Variants in DDX59 observed in about 807,000 individuals in gnomAD.
DDX59 encodes probable ATP-dependent RNA helicase DDX59.
DDX59 carries 30 observed loss-of-function variants against 51.9 expected under a neutral mutation model. The observed-to-expected ratio is 0.58, with a 90% confidence interval of 0.43 to 0.78. The LOEUF is 0.78. Among genes scored for constraint, DDX59 ranks in the 30% least tolerant of loss-of-function variants. The pLI is 0.00. For missense variants in DDX59, 672 were observed against 730.8 expected, an observed-to-expected ratio of 0.92 and a Z score of 0.93; for synonymous variants, 255 against 253.3, an observed-to-expected ratio of 1.01 and a Z score of -0.06.
chr1:200,650,661 T>G lies in DDX59; in HGVS notation c.1078A>C (p.Lys360Gln). Residue 360 changes from lysine (K) to glutamine (Q), a missense_variant, in exon 5 of 8, where the codon AAG becomes CAG. By Grantham distance (53) the Lys-to-Gln change is moderately conservative. Transcript: ENST00000331314. ...VVVDEADTML[K>Q]MGFQQQVLDI... The stretch of plus-strand genomic sequence containing the variant: ...AGCACTTGTTGTTGAAAACCCATCT[T>G]TAACATGGTATCAGCCTAAAATAAA... 2 of 1,611,842 alleles carry G rather than the reference T, an allele frequency of 1.2e-6. No homozygotes were observed. Among genetic ancestry groups the G allele is most frequent in the Non-Finnish European group, 1.7e-6 (2 of 1,178,304 alleles).
chr1:200,653,044 C>G (rs1661768582), intron 4 of DDX59, among the ~76,000 whole-genome samples: 1 of 152,208 alleles, frequency 6.6e-6, no homozygotes, highest in African/African-American at 2.4e-5. Context: ...TTTCTCTTCT[C>G]TCAATCTCTA....
chr1:200,655,833 ATT>A (rs879811363), intron 4 of DDX59, among the ~76,000 whole-genome samples: 2 of 145,060 alleles, frequency 1.4e-5, no homozygotes. Flanking sequence ...ATACAGTCCA[ATT>A]TTTTTTTTTT....
Position 200,659,046 on chromosome 1 carries a change from T to G in DDX59, c.1043A>C (p.Lys348Thr). The change falls in exon 4 of 8, where the codon AAG becomes ACG. Residue 348 changes from lysine (K) to threonine (T), a missense_variant. Coordinates refer to ENST00000331314, the MANE Select transcript of DDX59 (RefSeq NM_001031725.6). ...ACTTACTTCATCTACTACCACAATCTTTACACCACAGAGTTCTACAGAGCT... is the reference window on the plus strand; with the variant it reads ...ACTTACTTCATCTACTACCACAATCGTTACACCACAGAGTTCTACAGAGCT... ...KQSSVELCGV[K>T]IVVVDEADTM... The G allele has an allele frequency of 6.2e-7, 1 of 1,612,894 alleles. No individual in the cohort carries two copies. Among genetic ancestry groups the G allele is most frequent in the Non-Finnish European group, 8.5e-7 (1 of 1,179,522 alleles).
chr1:200,651,315 T>A lies in DDX59; in HGVS notation c.1063-639A>T, dbSNP rs1289861022. ...ACTGTGGTGATCCCCCCTAAATTCA[T>A]ATGTTGAAATCTAACCCACAATGTA... On this transcript the variant is annotated intron_variant, in intron 4 of 7. Coordinates refer to ENST00000331314, the MANE Select transcript of DDX59 (RefSeq NM_001031725.6). 3.3e-5 allele frequency among the ~76,000 whole-genome samples: 5 copies of A among 152,254 alleles called. No homozygotes were observed. The East Asian group carries it at 9.6e-4, about 29-fold the overall frequency.
Position 200,664,054 on chromosome 1 carries a change from T to C in DDX59, c.837A>G (p.Pro279=). ...CTATCTGAATGGCTAACTCTCTGGT[T>C]GGTGTAAGAATGAGCGCAGATGGAG... ...SKTPSALILT[P]TRELAIQIER... The change falls in exon 3 of 8, where the codon CCA becomes CCG. Residue 279 remains proline (P), a synonymous_variant. Coordinates refer to ENST00000331314, the MANE Select transcript of DDX59 (RefSeq NM_001031725.6). 1 of 1,614,136 alleles carries C rather than the reference T, an allele frequency of 6.2e-7. No homozygotes were observed. The highest frequency in any genetic ancestry group is 8.5e-7 in the Non-Finnish European group (1 of 1,180,012).
chr1:200,642,148 T>C (rs74479747), downstream of DDX59, among the ~76,000 whole-genome samples: 3,973 of 152,354 alleles, frequency 0.026, 68 homozygotes, highest in Middle Eastern at 0.051. Flanking sequence ...ATATAAAAGA[T>C]GTTTGCTTCA....
At chr1:200,660,683 G>C (rs1662320028) in intron 3 of DDX59, among the ~76,000 whole-genome samples, 1 of 152,182 alleles carries the variant, frequency 6.6e-6, no homozygotes. Context: ...GTATCAACAT[G>C]AACTCATAGT....
chr1:200,662,463 T>C (rs1662437748), intron 3 of DDX59, among the ~76,000 whole-genome samples: 1 of 152,180 alleles, frequency 6.6e-6, no homozygotes, highest in African/African-American at 2.4e-5. Context: ...GAGACCAGCC[T>C]GGCCAACATG....
At chr1:200,664,230 CAG>C (rs1662567493) in intron 2 of DDX59, 144 bp from the exon 3 acceptor site, 1 of 808,598 alleles carries the variant, frequency 1.2e-6, no homozygotes, top group African/African-American at 1.8e-5. Flanking sequence ...CTGCTTACTG[CAG>C]ACTTTTTTCC....
intron 7 of DDX59, among the ~76,000 whole-genome samples, chr1:200,646,360 A>C (rs1661296267): frequency 6.6e-6 from 1 of 152,154 alleles, no homozygotes; most frequent in Admixed American, 6.5e-5. Flanking sequence ...ACAAAAAAAA[A>C]ACTTGCAAAT....
intron 1 of DDX59, among the ~76,000 whole-genome samples, chr1:200,668,727 G>A (rs1343443327): frequency 6.6e-6 from 1 of 152,140 alleles, no homozygotes; most frequent in Non-Finnish European, 1.5e-5. Flanking sequence ...TCAACTAAGA[G>A]CCAGGCACCC....
At chr1:200,669,087 A>G (rs1399844072) in intron 1 of DDX59, among the ~76,000 whole-genome samples, 1 of 152,088 alleles carries the variant, frequency 6.6e-6, no homozygotes, top group Non-Finnish European at 1.5e-5. Flanking sequence ...CTCAAAATAA[A>G]TCTCTTCAAA....
chr1:200,649,047 C>T (rs373060959), intron 6 of DDX59, 27 bp downstream of exon 6: 17 of 1,516,548 alleles, frequency 1.1e-5, no homozygotes, highest in Middle Eastern at 1.8e-4. Context: ...TTATAGAAAA[C>T]AGAATATAGA....
At chr1:200,649,293 G>C (rs1465991779) in intron 5 of DDX59, 67 bp from the exon 6 acceptor site, 1 of 1,390,052 alleles carries the variant, frequency 7.2e-7, no homozygotes, top group South Asian at 1.4e-5. Context: ...AAGTTTTTCT[G>C]AAAGATTATC....
chr1:200,662,530 C>A (rs1662442002), intron 3 of DDX59, among the ~76,000 whole-genome samples: 1 of 152,174 alleles, frequency 6.6e-6, no homozygotes, highest in African/African-American at 2.4e-5. Flanking sequence ...GTGGTGGGCG[C>A]CTGTAGTCCC....
At chr1:200,653,280 C>A (rs1661787660) in intron 4 of DDX59, among the ~76,000 whole-genome samples, 1 of 152,200 alleles carries the variant, frequency 6.6e-6, no homozygotes. Context: ...AAATTCAACA[C>A]ATTCAAAACA....
chr1:200,648,143 C>T (rs1661412201), intron 7 of DDX59, among the ~76,000 whole-genome samples: 1 of 151,782 alleles, frequency 6.6e-6, no homozygotes, highest in South Asian at 2.1e-4. Context: ...CCTGCCTCAG[C>T]CTCCTGAGTA....
Position 200,659,081 on chromosome 1 carries a change from T to G in DDX59, c.1008A>C (p.Ile336=), listed in dbSNP as rs1158134312. ...AGAGTTCTACAGAGCTCTGCTTTATTATATCCAGAAGTCGCCCAGGGGTTG... is the reference window on the plus strand; with the variant it reads ...AGAGTTCTACAGAGCTCTGCTTTATGATATCCAGAAGTCGCCCAGGGGTTG... The part of the protein sequence containing the change: ...IIATPGRLLD[I]IKQSSVELCG... Residue 336 remains isoleucine (I), a synonymous_variant, in exon 4 of 8, where the codon ATA becomes ATC. Coordinates refer to ENST00000331314, the MANE Select transcript of DDX59 (RefSeq NM_001031725.6). 1 of 1,613,698 alleles carries G rather than the reference T, an allele frequency of 6.2e-7. No homozygotes were observed. The highest frequency in any genetic ancestry group is 1.1e-5 in the South Asian group (1 of 91,034).
intron 3 of DDX59, 149 bp downstream of exon 3, chr1:200,663,767 TAAA>T (rs59213524): frequency 2.0e-3 from 1,152 of 586,832 alleles, no homozygotes; most frequent in East Asian, 0.013. Context: ...TAAAACAAAC[TAAA>T]AAAAAAAAAA....
Sources: allele counts gnomAD v4.1 joint callset (sites outside exome capture counted in the v4.1 genomes callset), GRCh38; gene constraint gnomAD v4.1.1; transcripts MANE v1.5; gene names NCBI Gene and HGNC (gene_info 2026-07-23, HGNC 2026-07-21).